XRCC4: variants seen among roughly 807,000 people sequenced by gnomAD.
XRCC4 encodes the protein X-ray repair cross complementing 4.
In XRCC4, 28 loss-of-function variants were observed where a neutral mutation model predicts 39.1. The ratio of observed to expected loss-of-function variants is 0.72; its 90% CI spans 0.53 to 0.98. The LOEUF (loss-of-function observed/expected upper bound fraction) is 0.98. Ranked by LOEUF, XRCC4 falls within the 50% of genes least tolerant of loss-of-function variation. XRCC4 has a pLI of 0.00. For synonymous variants in XRCC4, 123 were observed against 126.4 expected (o/e 0.97, Z 0.18); for missense variants, 350 against 376.4 (o/e 0.93, Z 0.58).
At chr5:83,131,630 T>TA (rs1237153260) in intron 3 of XRCC4, among the ~76,000 whole-genome samples, 1 of 152,196 alleles carries the variant, frequency 6.6e-6, no homozygotes, top group Non-Finnish European at 1.5e-5. Context: ...TACCATTATG[T>TA]AATGGCCTTC....
At chr5:83,254,478 C>G (rs760671042) in intron 6 of XRCC4, among the ~76,000 whole-genome samples, 27 of 152,098 alleles carry the variant, frequency 1.8e-4, no homozygotes, top group Non-Finnish European at 3.1e-4. Flanking sequence ...TAACCTAATA[C>G]ACTTAATACG....
At chr5:83,146,356 T>G (rs1172547664) in intron 3 of XRCC4, among the ~76,000 whole-genome samples, 1 of 152,146 alleles carries the variant, frequency 6.6e-6, no homozygotes, top group African/African-American at 2.4e-5. Context: ...AAACAAGTAA[T>G]AAGCCCAGGT....
At chr5:83,138,302 AAT>A (rs1747998746) in intron 3 of XRCC4, among the ~76,000 whole-genome samples, 1 of 152,150 alleles carries the variant, frequency 6.6e-6, no homozygotes, top group African/African-American at 2.4e-5. Flanking sequence ...CATCATTTTA[AAT>A]ATGTCAATCC....
intron 3 of XRCC4, among the ~76,000 whole-genome samples, chr5:83,179,689 A>G (rs1323467440): frequency 6.6e-6 from 1 of 152,178 alleles, no homozygotes; most frequent in Non-Finnish European, 1.5e-5. Flanking sequence ...AGAACTGGAT[A>G]GGCTCAACCC....
intron 7 of XRCC4, among the ~76,000 whole-genome samples, chr5:83,324,050 C>T (rs1241331675): frequency 6.6e-6 from 1 of 152,048 alleles, no homozygotes; most frequent in African/African-American, 2.4e-5. Flanking sequence ...TAGCAGAATA[C>T]ATCAAGAAAA....
At chr5:83,307,264 A>G (rs1411506217) in intron 7 of XRCC4, among the ~76,000 whole-genome samples, 1 of 152,186 alleles carries the variant, frequency 6.6e-6, no homozygotes, top group Non-Finnish European at 1.5e-5. Flanking sequence ...GTTCCTGCCA[A>G]TTGTTTGATG....
intron 3 of XRCC4, among the ~76,000 whole-genome samples, chr5:83,195,403 G>C (rs189128164): frequency 1.3e-5 from 2 of 152,206 alleles, no homozygotes; most frequent in African/African-American, 4.8e-5. Context: ...ACAGAAATTA[G>C]AGTTAAAATT....
intron 3 of XRCC4, among the ~76,000 whole-genome samples, chr5:83,127,930 A>G (rs1747355407): frequency 7.2e-6 from 1 of 139,856 alleles, no homozygotes; most frequent in African/African-American, 2.7e-5. Context: ...CCTTCTGGCT[A>G]GTTTTGTTAG....
chr5:83,304,911 GCAAA>G (rs1036078331), intron 7 of XRCC4, among the ~76,000 whole-genome samples: 4 of 152,032 alleles, frequency 2.6e-5, no homozygotes, highest in African/African-American at 9.7e-5. Flanking sequence ...AAAATTAGAA[GCAAA>G]CAAACTCTCA....
At chr5:83,231,957 A>G (rs190306821) in intron 6 of XRCC4, among the ~76,000 whole-genome samples, 2 of 152,110 alleles carry the variant, frequency 1.3e-5, no homozygotes, top group East Asian at 3.9e-4. Context: ...GGACTTTATA[A>G]TGTGTAATAC....
chr5:83,177,786 G>A (rs1222471850), intron 3 of XRCC4, among the ~76,000 whole-genome samples: 1 of 152,158 alleles, frequency 6.6e-6, no homozygotes, highest in Non-Finnish European at 1.5e-5. Context: ...GAGAGATAAA[G>A]CTTGAGAGGT....
chr5:83,236,357 C>T (rs1752688397), intron 6 of XRCC4, among the ~76,000 whole-genome samples: 1 of 152,078 alleles, frequency 6.6e-6, no homozygotes, highest in East Asian at 1.9e-4. Context: ...GGTACTGTCT[C>T]ATAAAAACAG....
chr5:83,285,064 C>CTGG (rs1754686005), intron 7 of XRCC4, among the ~76,000 whole-genome samples: 1 of 152,094 alleles, frequency 6.6e-6, no homozygotes, highest in Non-Finnish European at 1.5e-5. Context: ...GGCCTAGAAC[C>CTGG]TGGTGCTTGC....
chr5:83,276,540 A>G (rs1194037243), intron 7 of XRCC4, among the ~76,000 whole-genome samples: 1 of 149,126 alleles, frequency 6.7e-6, no homozygotes, highest in South Asian at 2.1e-4. Flanking sequence ...CTGAGCTGGC[A>G]TGCTCTGCCC....
At chr5:83,108,893 G>A (rs1746323639) in intron 2 of XRCC4, among the ~76,000 whole-genome samples, 1 of 148,558 alleles carries the variant, frequency 6.7e-6, no homozygotes, top group Non-Finnish European at 1.5e-5. Flanking sequence ...GCATTTGAAA[G>A]ATCAATAGGT....
chr5:83,144,384 A>G (rs1748338773), intron 3 of XRCC4, among the ~76,000 whole-genome samples: 2 of 151,490 alleles, frequency 1.3e-5, no homozygotes, highest in South Asian at 4.2e-4. Context: ...AAGTTTTGTC[A>G]GGGTGAGTCT....
intron 6 of XRCC4, among the ~76,000 whole-genome samples, chr5:83,255,481 A>T (rs1050696310): frequency 6.6e-6 from 1 of 152,206 alleles, no homozygotes; most frequent in African/African-American, 2.4e-5. Flanking sequence ...AATGAATCAT[A>T]ATGTGGTGAA....
intron 3 of XRCC4, 101 bp from the exon 4 acceptor site, chr5:83,195,669 C>T: frequency 8.6e-7 from 1 of 1,168,434 alleles, no homozygotes; most frequent in Non-Finnish European, 1.2e-6. Flanking sequence ...TTAAATCCTT[C>T]TTACACTTTT....
chr5:83,183,359 T>G (rs1360253919), intron 3 of XRCC4, among the ~76,000 whole-genome samples: 1 of 152,012 alleles, frequency 6.6e-6, no homozygotes, highest in Admixed American at 6.6e-5. Flanking sequence ...GTGTCAATTT[T>G]AAGCTTCCTG....
Sources: gnomAD v4.1 joint callset for allele counts (sites outside exome capture counted in the v4.1 genomes callset) on GRCh38, gnomAD v4.1.1 for gene constraint, MANE v1.5 for transcripts, NCBI Gene and HGNC (gene_info 2026-07-23, HGNC 2026-07-21) for gene names.